The following CLINT1 variants were observed in gnomAD, a reference collection of about 807,000 sequenced individuals.
CLINT1 encodes clathrin interactor 1.
In CLINT1, 15 loss-of-function variants were observed where a neutral mutation model predicts 70.4. That is an observed-to-expected ratio of 0.21 (90% CI 0.14 to 0.33). The LOEUF (loss-of-function observed/expected upper bound fraction) is 0.33, where lower values mean the gene tolerates loss of function less well. Ranked by LOEUF, CLINT1 falls within the 10% of genes least tolerant of loss-of-function variation. The probability of loss-of-function intolerance (pLI) is 1.00; values close to 1 mark genes in which losing one functional copy is unlikely to be tolerated. For missense variants in CLINT1, 615 were observed against 778.1 expected (o/e 0.79, Z 2.49); for synonymous variants, 227 against 254.7 (o/e 0.89, Z 1.04).
intron 1 of CLINT1, among the ~76,000 whole-genome samples, chr5:157,823,553 G>A (rs998207790): frequency 6.6e-6 from 1 of 151,954 alleles, no homozygotes; most frequent in Non-Finnish European, 1.5e-5. Flanking sequence ...AACAATTTAA[G>A]TACCCAATTT....
intron 1 of CLINT1, among the ~76,000 whole-genome samples, chr5:157,840,955 A>G (rs1753154034): frequency 6.6e-6 from 1 of 152,148 alleles, no homozygotes; most frequent in Non-Finnish European, 1.5e-5. Context: ...GAACAAAGTC[A>G]AACTTCATGA....
intron 1 of CLINT1, among the ~76,000 whole-genome samples, chr5:157,854,109 A>G (rs984094219): frequency 1.3e-5 from 2 of 152,236 alleles, no homozygotes; most frequent in East Asian, 3.8e-4. Flanking sequence ...CTATCTTACT[A>G]TCTCTGCTTT....
intron 9 of CLINT1, 83 bp from the exon 10 acceptor site, chr5:157,792,078 A>G: frequency 8.1e-7 from 1 of 1,229,764 alleles, no homozygotes; most frequent in Non-Finnish European, 1.1e-6. Flanking sequence ...GAAACAAATT[A>G]GAGCTGATCT....
At chr5:157,807,426 T>C (rs1443164230) in intron 6 of CLINT1, among the ~76,000 whole-genome samples, 17 of 152,086 alleles carry the variant, frequency 1.1e-4, no homozygotes, top group Admixed American at 1.1e-3. Flanking sequence ...AAGTTGAAAA[T>C]ATAAATCTGA....
chr5:157,824,798 CTT>C (rs1762985029), intron 1 of CLINT1, among the ~76,000 whole-genome samples: 1 of 152,148 alleles, frequency 6.6e-6, no homozygotes, highest in African/African-American at 2.4e-5. Flanking sequence ...ACTATTAGGT[CTT>C]TTAATTCCAA....
chr5:157,803,611 ACT>A (rs745620751), intron 8 of CLINT1, 37 bp downstream of exon 8: 1 of 1,353,664 alleles, frequency 7.4e-7, no homozygotes, highest in Admixed American at 2.9e-5. Flanking sequence ...TTAAAAAATG[ACT>A]CTCAAACCAA....
At chr5:157,794,847 T>C in intron 9 of CLINT1, 51 bp downstream of exon 9, 1 of 1,413,956 alleles carries the variant, frequency 7.1e-7, no homozygotes. Flanking sequence ...GAGTTGTTTT[T>C]AATAACCTTT....
intron 1 of CLINT1, among the ~76,000 whole-genome samples, chr5:157,828,418 T>C (rs961593949): frequency 2.0e-5 from 3 of 152,006 alleles, no homozygotes; most frequent in African/African-American, 7.3e-5. Flanking sequence ...CACTAGAAAA[T>C]TCCTTTCCTT....
At chr5:157,831,727 C>T (rs780090585) in intron 1 of CLINT1, among the ~76,000 whole-genome samples, 18 of 133,766 alleles carry the variant, frequency 1.3e-4, no homozygotes, top group African/African-American at 4.6e-4. Context: ...GACAGTCTTG[C>T]TCTGTCGCCA....
intron 1 of CLINT1, among the ~76,000 whole-genome samples, chr5:157,820,039 G>A (rs1762832648): frequency 6.6e-6 from 1 of 152,090 alleles, no homozygotes; most frequent in South Asian, 2.1e-4. Flanking sequence ...AAAAACAATG[G>A]GAGCCATCAG....
At chr5:157,824,391 A>G (rs1762968375) in intron 1 of CLINT1, among the ~76,000 whole-genome samples, 1 of 152,222 alleles carries the variant, frequency 6.6e-6, no homozygotes, top group African/African-American at 2.4e-5. Context: ...TTCAACAGGT[A>G]GATTACTTTC....
chr5:157,806,974 G>A (rs1762405626), intron 6 of CLINT1, among the ~76,000 whole-genome samples: 1 of 151,610 alleles, frequency 6.6e-6, no homozygotes, highest in Non-Finnish European at 1.5e-5. Context: ...GAGAGAGAGA[G>A]AGAGAGAGAG....
intron 7 of CLINT1, among the ~76,000 whole-genome samples, chr5:157,804,381 C>A (rs1045044733): frequency 6.6e-6 from 1 of 152,284 alleles, no homozygotes; most frequent in East Asian, 1.9e-4. Context: ...AAGCTAAGCA[C>A]CCTGATACCT....
intron 1 of CLINT1, among the ~76,000 whole-genome samples, chr5:157,839,881 T>C (rs1237974087): frequency 6.6e-6 from 1 of 152,004 alleles, no homozygotes; most frequent in Non-Finnish European, 1.5e-5. Flanking sequence ...AGTCAAAGTT[T>C]CAGGATAAGC....
Position 157,789,274 on chromosome 5 carries a change from A to G in CLINT1, c.1531+89T>C. 6.3e-6 allele frequency: 7 copies of G among 1,108,846 alleles called. No individual in the cohort carries two copies. The East Asian group carries it at 9.4e-5, about 15-fold the overall frequency. 68.7% of individuals were successfully genotyped at this position (1,108,846 alleles called of 1,614,324 possible). On this transcript the variant is annotated intron_variant, in intron 11 of 11. Coordinates refer to ENST00000411809, the MANE Select transcript of CLINT1 (RefSeq NM_014666.4). ...GGTTAACTGTTACAATTTATGTGAT[A>G]TATTTTTATTTATAGTTTGAAGTAG...
intron 1 of CLINT1, among the ~76,000 whole-genome samples, chr5:157,855,323 A>T (rs1753724245): frequency 6.6e-6 from 1 of 152,220 alleles, no homozygotes; most frequent in Non-Finnish European, 1.5e-5. Flanking sequence ...ATAGAACTGC[A>T]GCAACTTTCA....
intron 1 of CLINT1, among the ~76,000 whole-genome samples, chr5:157,848,573 C>T (rs546664437): frequency 4.6e-5 from 7 of 151,692 alleles, no homozygotes; most frequent in Admixed American, 2.0e-4. Context: ...GCGCTATTTC[C>T]GCTCACTGCA....
chr5:157,828,498 T>C (rs1216447056), intron 1 of CLINT1, among the ~76,000 whole-genome samples: 2 of 151,872 alleles, frequency 1.3e-5, no homozygotes, highest in Non-Finnish European at 2.9e-5. Flanking sequence ...TAAAAACACA[T>C]GTACATGTGA....
At chr5:157,795,683 T>C (rs11134960) in intron 8 of CLINT1, 20,346 of 152,132 alleles carry the variant, frequency 0.13, 1,789 homozygotes, top group African/African-American at 0.25. Context: ...ATTTTCCGTA[T>C]GCTTGTAATT....
Sources: allele counts gnomAD v4.1 joint callset (sites outside exome capture counted in the v4.1 genomes callset), GRCh38; gene constraint gnomAD v4.1.1; transcripts MANE v1.5; gene names NCBI Gene and HGNC (gene_info 2026-07-23, HGNC 2026-07-21).